MAP3K4: variants seen among roughly 807,000 people sequenced by gnomAD.
MAP3K4 encodes the protein MAP three kinase 1.
Under a neutral mutation model 185.6 loss-of-function variants are expected in MAP3K4, and 67 were observed. The ratio of observed to expected loss-of-function variants is 0.36; its 90% confidence interval spans 0.30 to 0.44. MAP3K4 has a LOEUF of 0.44. MAP3K4 is among the 20% of genes least tolerant of loss of function. The pLI, the probability that MAP3K4 is intolerant of heterozygous loss-of-function variation, is 1.00. For missense variants in MAP3K4, 1,551 were observed against 1,995.1 expected (o/e 0.78, Z 4.24); for synonymous variants, 702 against 710.4 (o/e 0.99, Z 0.19).
intron 1 of MAP3K4, among the ~76,000 whole-genome samples, chr6:160,994,460 AT>A (rs2115028283): frequency 6.6e-6 from 1 of 152,180 alleles, no homozygotes; most frequent in South Asian, 2.1e-4. Flanking sequence ...TGCAGTTGCC[AT>A]TATTTCGTTG....
At position 161,087,976 on chromosome 6, in the gene MAP3K4, G is replaced by T. The variant is rs1356969658; in HGVS notation, c.2823+22G>T. 1 of 1,593,318 alleles carries T rather than the reference G, an allele frequency of 6.3e-7. No individual in the cohort carries two copies. The highest frequency in any genetic ancestry group is 1.1e-5 in the South Asian group (1 of 87,004). On this transcript the variant is annotated intron_variant, in intron 10 of 26. Transcript: ENST00000392142. The surrounding 1 kb of genome is among the most constrained non-coding windows in gnomAD (Gnocchi z 4.9). ...GCAGGTACAGCTCATCTCCATCTTT[G>T]CAGCAGTGTTACTTCAAGGACTTTT...
chr6:161,040,583 G>A (rs1449994542), intron 2 of MAP3K4, among the ~76,000 whole-genome samples: 1 of 152,196 alleles, frequency 6.6e-6, no homozygotes, highest in Non-Finnish European at 1.5e-5. Context: ...AGGTTAAGAA[G>A]CATTGACCTA....
intron 3 of MAP3K4, among the ~76,000 whole-genome samples, chr6:161,062,149 C>G (rs1316541403): frequency 6.6e-6 from 1 of 151,908 alleles, no homozygotes; most frequent in African/African-American, 2.4e-5. Context: ...CCTTAATATC[C>G]CCTCTTCAAT....
Position 161,043,928 on chromosome 6 carries a change from C to T in MAP3K4, c.344-4688C>T, listed in dbSNP as rs879664285. Among the ~76,000 whole-genome samples, 1 of 152,104 alleles carries T rather than the reference C, an allele frequency of 6.6e-6. No homozygotes were observed. Among genetic ancestry groups the T allele is most frequent in the Admixed American group, 6.5e-5 (1 of 15,268 alleles). On this transcript the variant is annotated intron_variant, in intron 2 of 26. Transcript: ENST00000392142. The surrounding 1 kb of genome is among the most constrained non-coding windows in gnomAD (Gnocchi z 4.3). ...TGTATATGGGAGAACATAAAAATTG[C>T]AAGAGTTTGATTAAAAATACAATTA...
chr6:161,026,290 G>T (rs568489720), intron 1 of MAP3K4, among the ~76,000 whole-genome samples: 2 of 107,326 alleles, frequency 1.9e-5, no homozygotes, highest in East Asian at 2.7e-4. Flanking sequence ...GCCACCACGC[G>T]CAGCTAATTT....
rs1182444629 is a variant in MAP3K4, at chr6:161,071,351, G to A, written c.1950+501G>A. Among the ~76,000 whole-genome samples the A allele has an allele frequency of 3.9e-5, 6 of 152,200 alleles. No individual in the cohort carries two copies. The highest frequency in any genetic ancestry group is 8.8e-5 in the Non-Finnish European group (6 of 68,038). On this transcript the variant is annotated intron_variant, in intron 4 of 26. Transcript: ENST00000392142. This position sits in a 1 kb window ranked among gnomAD's most constrained non-coding sequence, Gnocchi z 4.6. ...GTTTGATATCCCAGGAGCAGCAGCGGAATGGGTGGAAGCAGTTGTATCCAG... is the reference window on the plus strand; with the variant it reads ...GTTTGATATCCCAGGAGCAGCAGCGAAATGGGTGGAAGCAGTTGTATCCAG...
rs922351157 is a variant in MAP3K4 at position 161,114,577 on chromosome 6, G to T, written c.4627-546G>T. Reference sequence around the variant, plus strand: ...GTTCTCATATTGAAGAATACATATTGGCAATGACGAAACAATAGTTTAGAA... The same window carrying T: ...GTTCTCATATTGAAGAATACATATTTGCAATGACGAAACAATAGTTTAGAA... On this transcript the variant is annotated intron_variant, in intron 25 of 26. Coordinates refer to ENST00000392142, the MANE Select transcript of MAP3K4 (RefSeq NM_005922.4). This position sits in a 1 kb window ranked among gnomAD's most constrained non-coding sequence, Gnocchi z 4.3. Among the ~76,000 whole-genome samples, 3 of 152,124 alleles carry T rather than the reference G, an allele frequency of 2.0e-5. No individual in the cohort carries two copies. The highest frequency in any genetic ancestry group is 7.2e-5 in the African/African-American group (3 of 41,424).
Position 161,087,738 on chromosome 6 carries a change from TGCTGAGGAG to T in MAP3K4, c.2608_2616del (p.Ala870_Glu872del). 1 of 1,614,206 alleles carries T rather than the reference TGCTGAGGAG, an allele frequency of 6.2e-7. No homozygotes were observed. The highest frequency in any genetic ancestry group is 8.5e-7 in the Non-Finnish European group (1 of 1,180,026). On this transcript the variant is annotated inframe_deletion, in exon 10 of 27. Coordinates refer to ENST00000392142, the MANE Select transcript of MAP3K4 (RefSeq NM_005922.4). This position sits in a 1 kb window ranked among gnomAD's most constrained non-coding sequence, Gnocchi z 4.9. ...TGCAAATGTTTGTTCCAGACACTCT[TGCTGAGGAG>T]AAGAGTATTATTTTGCAGTTACTCA...
intron 6 of MAP3K4, among the ~76,000 whole-genome samples, chr6:161,083,517 A>G (rs1326358163): frequency 6.6e-6 from 1 of 152,180 alleles, no homozygotes; most frequent in Non-Finnish European, 1.5e-5. Flanking sequence ...CGCCAAACTA[A>G]TGAGCATGAC....
At position 161,106,662 on chromosome 6, in the gene MAP3K4, C is replaced by T; in HGVS notation, c.4005C>T (p.Gly1335=). The T allele has an allele frequency of 6.2e-7, 1 of 1,611,582 alleles. No homozygotes were observed. The highest frequency in any genetic ancestry group is 8.5e-7 in the Non-Finnish European group (1 of 1,178,892). Residue 1335 remains glycine (G), a synonymous_variant, in exon 20 of 27, where the codon GGC becomes GGT. Coordinates refer to ENST00000392142, the MANE Select transcript of MAP3K4 (RefSeq NM_005922.4). The surrounding 1 kb of genome is among the most constrained non-coding windows in gnomAD (Gnocchi z 4.9). ...PKSYDNVMHV[G]LRKVTFKWQR... Reference sequence around the variant, plus strand: ...CCTATGATAATGTTATGCACGTTGGCTTGAGGAAGGTGACCTTCAAATGGC... The same window carrying T: ...CCTATGATAATGTTATGCACGTTGGTTTGAGGAAGGTGACCTTCAAATGGC...
intron 1 of MAP3K4, among the ~76,000 whole-genome samples, chr6:161,019,102 G>A (rs1782252029): frequency 6.6e-6 from 1 of 152,254 alleles, no homozygotes; most frequent in East Asian, 1.9e-4. Flanking sequence ...AAAAGAAAGA[G>A]GAGAACCGAA....
In MAP3K4 at chr6:161,108,993, T is replaced by TA. The variant is rs766450276; in HGVS notation, c.4236+135dup. 22 of 1,601,942 alleles carry TA rather than the reference T, an allele frequency of 1.4e-5. No homozygotes were observed. Among genetic ancestry groups the TA allele is most frequent in the South Asian group, 1.1e-4 (10 of 89,836 alleles). ...TAATTCTCAGGAAATCTCCATGAGT[T>TA]ACATCATTTCTGCCTTCTCTCTGAA... On this transcript the variant is annotated intron_variant, in intron 22 of 26. Transcript: ENST00000392142. This position sits in a 1 kb window ranked among gnomAD's most constrained non-coding sequence, Gnocchi z 5.7.
chr6:161,050,378 C>T (rs1304142068), intron 3 of MAP3K4, among the ~76,000 whole-genome samples: 1 of 152,166 alleles, frequency 6.6e-6, no homozygotes, highest in South Asian at 2.1e-4. Flanking sequence ...GGAGAGAGTT[C>T]TTTCTCTATC....
Position 161,056,027 on chromosome 6 carries a change from G to A in MAP3K4, c.1707+6048G>A. Among the ~76,000 whole-genome samples, 1 of 152,140 alleles carries A rather than the reference G, an allele frequency of 6.6e-6. No homozygotes were observed. Among genetic ancestry groups the A allele is most frequent in the African/African-American group, 2.4e-5 (1 of 41,414 alleles). On this transcript the variant is annotated intron_variant, in intron 3 of 26. Transcript: ENST00000392142. The surrounding 1 kb of genome is among the most constrained non-coding windows in gnomAD (Gnocchi z 5.4). ...TATGGACTCATAAATGTTTGCTGTT[G>A]TTTTTACTTTGAATTATAATCCAGT...
At position 161,098,038 on chromosome 6, in the gene MAP3K4, G is replaced by A. The variant is rs1017197121; in HGVS notation, c.3525-240G>A. 6.6e-6 allele frequency among the ~76,000 whole-genome samples: 1 copy of A among 152,112 alleles called. No individual in the cohort carries two copies. Among genetic ancestry groups the A allele is most frequent in the African/African-American group, 2.4e-5 (1 of 41,416 alleles). On this transcript the variant is annotated intron_variant, in intron 16 of 26. Transcript: ENST00000392142. The surrounding 1 kb of genome is among the most constrained non-coding windows in gnomAD (Gnocchi z 4.4). ...GGAGGTCAAGGCTGCAGTGAGCTAT[G>A]ATTGCGCCACTGCACTCCAGCCTGG...
chr6:161,006,410 C>T (rs1025500690), intron 1 of MAP3K4, among the ~76,000 whole-genome samples: 3 of 152,112 alleles, frequency 2.0e-5, no homozygotes, highest in Non-Finnish European at 4.4e-5. Context: ...TTATTATTCC[C>T]TAAATAATTC....
intron 1 of MAP3K4, among the ~76,000 whole-genome samples, chr6:160,997,074 T>A (rs562013786): frequency 1.3e-5 from 2 of 152,334 alleles, no homozygotes; most frequent in East Asian, 1.9e-4. Flanking sequence ...TGTTTTAATC[T>A]TCAGTCTTTA....
chr6:161,003,424 C>T (rs930664624), intron 1 of MAP3K4, among the ~76,000 whole-genome samples: 1 of 152,174 alleles, frequency 6.6e-6, no homozygotes, highest in Non-Finnish European at 1.5e-5. Flanking sequence ...ATTCTTTTTC[C>T]ACTTGATCTT....
Position 161,073,446 on chromosome 6 carries a change from C to A in MAP3K4, c.1951-20C>A. Reference sequence around the variant, plus strand: ...GGTTGGAGTTTATGGCTGCTGGAACCTGTGTGTGTTGTTTTGCAGCTGGTG... The same window carrying A: ...GGTTGGAGTTTATGGCTGCTGGAACATGTGTGTGTTGTTTTGCAGCTGGTG... On this transcript the variant is annotated intron_variant, in intron 4 of 26. Coordinates refer to ENST00000392142, the MANE Select transcript of MAP3K4 (RefSeq NM_005922.4). The surrounding 1 kb of genome is among the most constrained non-coding windows in gnomAD (Gnocchi z 4.2). 6.4e-7 allele frequency: 1 copy of A among 1,553,334 alleles called. No homozygotes were observed. Among genetic ancestry groups the A allele is most frequent in the Non-Finnish European group, 8.7e-7 (1 of 1,148,452 alleles).
Sources: gnomAD v4.1 joint callset for allele counts (sites outside exome capture counted in the v4.1 genomes callset) on GRCh38, gnomAD v4.1.1 for gene constraint, Gnocchi (gnomAD v3.1) non-coding constraint, MANE v1.5 for transcripts, NCBI Gene and HGNC (gene_info 2026-07-23, HGNC 2026-07-21) for gene names.